The following AKR1B15 variants were observed in gnomAD, a reference collection of about 807,000 sequenced individuals.
AKR1B15 encodes estradiol 17-beta-dehydrogenase AKR1B15.
Under a neutral mutation model 38.5 loss-of-function variants are expected in AKR1B15, and 49 were observed. The ratio of observed to expected loss-of-function variants is 1.27; its 90% CI spans 1.01 to 1.62. The LOEUF is 1.62. Ranked by LOEUF, AKR1B15 falls within the 40% of genes most tolerant of loss-of-function variation. The pLI is 0.00. For missense variants in AKR1B15, 411 were observed against 381.6 expected, an observed-to-expected ratio of 1.08 and a Z score of -0.64; for synonymous variants, 137 against 135.5, an observed-to-expected ratio of 1.01 and a Z score of -0.08.
At chr7:134,562,879 T>TTTCTTTCTTTC (rs1794449034) in intron 2 of AKR1B15, among the ~76,000 whole-genome samples, 1 of 125,686 alleles carries the variant, frequency 8.0e-6, no homozygotes, top group East Asian at 2.1e-4. Flanking sequence ...TCTTTCTTTC[T>TTTCTTTCTTTC]TTCTTTCTTT....
At position 134,576,409 on chromosome 7, in the gene AKR1B15, G is replaced by T. The variant is rs1183214997; in HGVS notation, c.804G>T (p.Lys268Asn). ...EDPKIKEIAA[K>N]HKKTTAQVLI... Reference sequence around the variant, plus strand: ...CCAAGATTAAGGAGATTGCTGCAAAGCACAAAAAAACCACAGCCCAGGTAC... The same window carrying T: ...CCAAGATTAAGGAGATTGCTGCAAATCACAAAAAAACCACAGCCCAGGTAC... The change falls in exon 9 of 12, where the codon AAG (lysine) becomes AAT (asparagine). Residue 268 changes from lysine (K) to asparagine (N), a missense_variant. Lys to Asn is a moderately conservative substitution (Grantham distance 94, BLOSUM62 0). This residue lies in a region of AKR1B15 where 133 missense variants were observed against 120.3 expected (regional missense o/e 1.11). Coordinates refer to ENST00000457545, the MANE Select transcript of AKR1B15 (RefSeq NM_001080538.3). 6.2e-7 allele frequency: 1 copy of T among 1,614,048 alleles called. No homozygotes were observed. Among genetic ancestry groups the T allele is most frequent in the Non-Finnish European group, 8.5e-7 (1 of 1,179,954 alleles).
At chr7:134,575,034 A>G (rs1433984531) in intron 6 of AKR1B15, among the ~76,000 whole-genome samples, 3 of 152,240 alleles carry the variant, frequency 2.0e-5, no homozygotes, top group Admixed American at 6.5e-5. Context: ...GCTCCCTGCT[A>G]TCATTTGGAT....
At chr7:134,557,013 T>C (rs1348779353) in intron 2 of AKR1B15, among the ~76,000 whole-genome samples, 154 bp downstream of exon 2, 1 of 152,218 alleles carries the variant, frequency 6.6e-6, no homozygotes, top group Non-Finnish European at 1.5e-5. Flanking sequence ...AGAAAGTTGT[T>C]GTTTCTATGC....
chr7:134,550,737 A>G (rs1793938773), intron 1 of AKR1B15, among the ~76,000 whole-genome samples: 1 of 152,194 alleles, frequency 6.6e-6, no homozygotes, highest in African/African-American at 2.4e-5. Flanking sequence ...GGCCCCATAA[A>G]GATTGGAGTC....
At chr7:134,553,534 T>C (rs1411308330) in intron 1 of AKR1B15, among the ~76,000 whole-genome samples, 2 of 152,182 alleles carry the variant, frequency 1.3e-5, no homozygotes, top group East Asian at 3.9e-4. Context: ...GCAAGCCAGG[T>C]CCAGGAGGCT....
chr7:134,559,273 C>A lies in AKR1B15; in HGVS notation c.-23+2414C>A, dbSNP rs564434767. Among the ~76,000 whole-genome samples the A allele has an allele frequency of 1.9e-3, 292 of 152,154 alleles. 3 individuals carry two copies. The highest frequency in any genetic ancestry group is 2.3e-3 in the Non-Finnish European group (159 of 68,010). On this transcript the variant is annotated intron_variant, in intron 2 of 11. Coordinates refer to ENST00000457545, the MANE Select transcript of AKR1B15 (RefSeq NM_001080538.3). Reference sequence around the variant, plus strand: ...TTGATAAGTGTCTATGTCTATACCACAAAAAATCAAGCATGTATAAGTATG... The same window carrying A: ...TTGATAAGTGTCTATGTCTATACCAAAAAAAATCAAGCATGTATAAGTATG...
intron 2 of AKR1B15, among the ~76,000 whole-genome samples, chr7:134,562,889 TC>T (rs1446506094): frequency 7.8e-6 from 1 of 127,892 alleles, no homozygotes; most frequent in African/African-American, 3.1e-5. Flanking sequence ...TTTCTTTCTT[TC>T]CTTCTTTCTT....
chr7:134,551,449 C>A (rs1476207964), intron 1 of AKR1B15, among the ~76,000 whole-genome samples: 1 of 152,216 alleles, frequency 6.6e-6, no homozygotes, highest in African/African-American at 2.4e-5. Flanking sequence ...GACTCACCGG[C>A]CCACCTGGGA....
At chr7:134,575,325 T>C (rs1794743807) in intron 6 of AKR1B15, 95 bp from the exon 7 acceptor site, 1 of 1,523,338 alleles carries the variant, frequency 6.6e-7, no homozygotes. Context: ...TTGCGGTGGA[T>C]CCTTTAGCAA....
intron 6 of AKR1B15, among the ~76,000 whole-genome samples, chr7:134,573,061 C>T (rs1380970518): frequency 1.3e-5 from 2 of 152,164 alleles, no homozygotes; most frequent in African/African-American, 2.4e-5. Context: ...TACAGATTCT[C>T]ACTCTGTCAC....
chr7:134,567,531 G>C (rs532111220), intron 3 of AKR1B15, among the ~76,000 whole-genome samples: 2 of 147,788 alleles, frequency 1.4e-5, no homozygotes, highest in East Asian at 1.9e-4. Flanking sequence ...CACCACAAAG[G>C]CCTCTTGTGG....
At chr7:134,575,702 A>G in intron 7 of AKR1B15, 119 bp from the exon 8 acceptor site, 1 of 1,582,742 alleles carries the variant, frequency 6.3e-7, no homozygotes, top group Non-Finnish European at 8.6e-7. Context: ...TTTAGCAAGA[A>G]TCTCAGTGCG....
chr7:134,556,695 G>A (rs1392722239), intron 1 of AKR1B15, 41 bp from the exon 2 acceptor site: 2 of 152,208 alleles, frequency 1.3e-5, no homozygotes, highest in Non-Finnish European at 2.9e-5. Flanking sequence ...CAGTGGGCCA[G>A]AAGGACAACT....
chr7:134,572,890 T>C lies in AKR1B15; in HGVS notation c.513+1209T>C, dbSNP rs1336194546. Reference sequence around the variant, plus strand: ...ATCTTGGCAGCTGTCTGTGTAGGGGTGCATGTAGTTGCGAGTTTGTATTGT... The same window carrying C: ...ATCTTGGCAGCTGTCTGTGTAGGGGCGCATGTAGTTGCGAGTTTGTATTGT... On this transcript the variant is annotated intron_variant, in intron 6 of 11. Transcript: ENST00000457545. Among the ~76,000 whole-genome samples, 3 of 152,294 alleles carry C rather than the reference T, an allele frequency of 2.0e-5. No individual in the cohort carries two copies. The East Asian group carries it at 5.8e-4, about 29-fold the overall frequency.
rs559006535 is a variant in AKR1B15 at position 134,552,874 on chromosome 7, G to A, written c.-147+3625G>A. On this transcript the variant is annotated intron_variant, in intron 1 of 11. Coordinates refer to ENST00000457545, the MANE Select transcript of AKR1B15 (RefSeq NM_001080538.3). ...TTTAAAAATTCCCCCACCCTTTTTA[G>A]GGAAGCCCTCCAACAGGATCTTTTA... Among the ~76,000 whole-genome samples the A allele has an allele frequency of 4.6e-5, 7 of 152,130 alleles. No homozygotes were observed. The East Asian group carries it at 1.4e-3, about 29-fold the overall frequency.
chr7:134,551,003 T>TTTA (rs1793951661), intron 1 of AKR1B15, among the ~76,000 whole-genome samples: 1 of 152,156 alleles, frequency 6.6e-6, no homozygotes, highest in Non-Finnish European at 1.5e-5. Flanking sequence ...CCTTCATGGC[T>TTTA]CCACTCGTGA....
chr7:134,568,334 G>A lies in AKR1B15; in HGVS notation c.318+9G>A. ...TGTTCATCGTCAGCAAGGTGCACAT[G>A]GCGCATTTGGTGGGAGGCCTTCACT... is the stretch of plus-strand genomic sequence containing the variant. On this transcript the variant is annotated intron_variant, in intron 4 of 11. Coordinates refer to ENST00000457545, the MANE Select transcript of AKR1B15 (RefSeq NM_001080538.3). 1 of 1,613,400 alleles carries A rather than the reference G, an allele frequency of 6.2e-7. No homozygotes were observed. The highest frequency in any genetic ancestry group is 8.5e-7 in the Non-Finnish European group (1 of 1,179,442).
At chr7:134,578,923 C>T (rs1052953692) in intron 11 of AKR1B15, among the ~76,000 whole-genome samples, 3 of 152,220 alleles carry the variant, frequency 2.0e-5, no homozygotes, top group Admixed American at 1.3e-4. Context: ...AGCATCATTT[C>T]TGGTGTAGGC....
intron 3 of AKR1B15, chr7:134,565,347 A>G (rs1459545163): frequency 1.7e-5 from 24 of 1,410,096 alleles, no homozygotes; most frequent in Admixed American, 4.0e-5. Flanking sequence ...TAACAGCTGT[A>G]ACACACACTG....
Sources: gnomAD v4.1 joint callset for allele counts (sites outside exome capture counted in the v4.1 genomes callset) on GRCh38, gnomAD v4.1.1 for gene constraint, gnomAD v4.1.1 regional missense constraint, MANE v1.5 for transcripts, NCBI Gene and HGNC (gene_info 2026-07-23, HGNC 2026-07-21) for gene names.